ELF1: variants seen among roughly 807,000 people sequenced by gnomAD.
The protein encoded by ELF1 is E74 like ETS transcription factor 1.
A neutral mutation model predicts 59.9 loss-of-function variants in ELF1; 24 were observed. The observed-to-expected ratio is 0.40, with a 90% CI of 0.29 to 0.56. ELF1 has a LOEUF of 0.56. Ranked by LOEUF, ELF1 falls within the 20% of genes least tolerant of loss-of-function variation. The pLI, the probability that ELF1 is intolerant of heterozygous loss-of-function variation, is 0.44. For missense variants in ELF1, 627 were observed against 742.2 expected (o/e 0.84, Z 1.80); for synonymous variants, 248 against 266.2 (o/e 0.93, Z 0.67).
chr13:40,967,226 A>G (rs1872230841), intron 2 of ELF1, among the ~76,000 whole-genome samples: 1 of 152,192 alleles, frequency 6.6e-6, no homozygotes, highest in Non-Finnish European at 1.5e-5. Flanking sequence ...ACTCTATTAC[A>G]ACACGATCTG....
chr13:41,002,808 C>T (rs1874539279), intron 1 of ELF1, among the ~76,000 whole-genome samples: 1 of 151,996 alleles, frequency 6.6e-6, no homozygotes, highest in Non-Finnish European at 1.5e-5. Flanking sequence ...AATATGTATG[C>T]TATAGCAGAA....
intron 2 of ELF1, among the ~76,000 whole-genome samples, chr13:40,974,420 A>T (rs1272281360): frequency 6.6e-6 from 1 of 152,192 alleles, no homozygotes; most frequent in Non-Finnish European, 1.5e-5. Context: ...TCCTAGCTTT[A>T]TCACTTAGTA....
intron 1 of ELF1, among the ~76,000 whole-genome samples, chr13:40,994,828 G>A (rs1874049410): frequency 6.6e-6 from 1 of 152,112 alleles, no homozygotes; most frequent in Non-Finnish European, 1.5e-5. Context: ...TCATTTCTGT[G>A]ACCCTTTATT....
intron 4 of ELF1, 90 bp from the exon 5 acceptor site, chr13:40,950,063 G>T: frequency 1.8e-6 from 2 of 1,137,678 alleles, no homozygotes; most frequent in South Asian, 1.8e-5. Flanking sequence ...ATTATGACTA[G>T]AAGATTAAAG....
chr13:41,007,326 TAAG>T (rs1368386198), intron 1 of ELF1, among the ~76,000 whole-genome samples: 1 of 152,130 alleles, frequency 6.6e-6, no homozygotes, highest in African/African-American at 2.4e-5. Context: ...CTCTTTCAAT[TAAG>T]AAGAACACAA....
intron 1 of ELF1, among the ~76,000 whole-genome samples, chr13:40,987,984 A>G (rs1391083395): frequency 6.6e-6 from 1 of 152,264 alleles, no homozygotes; most frequent in East Asian, 1.9e-4. Context: ...GTGAGAGAAA[A>G]GAAGTGAAGT....
At position 40,958,916 on chromosome 13, in the gene ELF1, T is replaced by C. The variant is rs7799; in HGVS notation, c.173A>G (p.Asn58Ser). 0.65 allele frequency: 1,040,573 copies of C among 1,613,070 alleles called. 348,751 individuals are homozygous for C. Among genetic ancestry groups the C allele is most frequent in the Non-Finnish European group, 0.69 (811,993 of 1,179,644 alleles). The change falls in exon 3 of 9, where the codon AAT (asparagine) becomes AGT (serine). Residue 58 changes from asparagine to serine, a missense_variant. Around this residue, in one of 3 missense-constraint regions of ELF1, gnomAD observed 232 missense variants for 269.2 expected, o/e 0.86. Coordinates refer to ENST00000239882, the MANE Select transcript of ELF1 (RefSeq NM_172373.4). ...CAGTGAACTCTCAGTAATCATGTCA[T>C]TGGGCTCTTCCACACAGGCTAGACC... is the stretch of plus-strand genomic sequence containing the variant. ...YAGLACVEEP[N>S]DMITESSLDV... is the part of the protein sequence containing the mutation.
rs920552554 is a variant in ELF1 at position 40,932,539 on chromosome 13, G to A, written c.*886C>T. ...CAAAGCACAGTGGCCTAAAGAGTTA[G>A]TAAACAAATTATTTAGGAAGAATTT... On this transcript the variant is annotated 3_prime_UTR_variant, in exon 9 of 9. Coordinates refer to ENST00000239882, the MANE Select transcript of ELF1 (RefSeq NM_172373.4). 6.6e-6 allele frequency: 1 copy of A among 152,108 alleles called. No homozygotes were observed. Among genetic ancestry groups the A allele is most frequent in the Non-Finnish European group, 1.5e-5 (1 of 68,028 alleles). 9.4% of individuals were successfully genotyped at this position (152,108 alleles called of 1,614,324 possible).
At position 40,948,227 on chromosome 13, in the gene ELF1, C is replaced by T. The variant is rs139846459; in HGVS notation, c.529+1579G>A. Among the ~76,000 whole-genome samples the T allele has an allele frequency of 5.7e-3, 870 of 152,342 alleles. 7 individuals carry two copies. Among genetic ancestry groups the T allele is most frequent in the South Asian group, 0.014 (69 of 4,832 alleles). ...AACATGTGATCCAGCCATTCCACTACTAAGTATTTACCCAAAAGAAATTAA... is the reference window on the plus strand; with the variant it reads ...AACATGTGATCCAGCCATTCCACTATTAAGTATTTACCCAAAAGAAATTAA... On this transcript the variant is annotated intron_variant, in intron 5 of 8. Coordinates refer to ENST00000239882, the MANE Select transcript of ELF1 (RefSeq NM_172373.4).
At chr13:40,946,357 A>ACC (rs980178432) in intron 5 of ELF1, among the ~76,000 whole-genome samples, 3 of 152,226 alleles carry the variant, frequency 2.0e-5, no homozygotes, top group Non-Finnish European at 4.4e-5. Flanking sequence ...TATATTCATC[A>ACC]CCCCAAAAGT....
intron 5 of ELF1, among the ~76,000 whole-genome samples, chr13:40,948,784 T>C (rs903324940): frequency 8.5e-5 from 13 of 152,264 alleles, no homozygotes; most frequent in South Asian, 4.1e-4. Flanking sequence ...TTCCAACCCA[T>C]TGTATTTTTC....
chr13:41,007,723 A>G (rs575554619), intron 1 of ELF1, among the ~76,000 whole-genome samples: 10 of 152,214 alleles, frequency 6.6e-5, no homozygotes, highest in Non-Finnish European at 1.3e-4. Context: ...TATTTCTTCC[A>G]TATAACATTT....
At chr13:40,955,323 T>G (rs1323540102) in intron 3 of ELF1, among the ~76,000 whole-genome samples, 3 of 124,202 alleles carry the variant, frequency 2.4e-5, no homozygotes, top group South Asian at 2.6e-4. Context: ...GGAAGGGAGG[T>G]GGGGGGGTTA....
intron 6 of ELF1, 65 bp downstream of exon 6, chr13:40,943,777 A>G: frequency 4.4e-6 from 6 of 1,369,674 alleles, no homozygotes; most frequent in Middle Eastern, 2.1e-4. Flanking sequence ...GTTTCTAGTT[A>G]TAATAGGTAG....
chr13:41,048,564 C>G (rs1363389121), intron 1 of ELF1, among the ~76,000 whole-genome samples: 1 of 151,998 alleles, frequency 6.6e-6, no homozygotes, highest in Non-Finnish European at 1.5e-5. Flanking sequence ...TATGGGCACA[C>G]CACCAAGCCC....
At chr13:41,024,652 C>T (rs1774147759) in intron 1 of ELF1, among the ~76,000 whole-genome samples, 1 of 152,162 alleles carries the variant, frequency 6.6e-6, no homozygotes, top group African/African-American at 2.4e-5. Flanking sequence ...GCTTGGATTA[C>T]AGGCATGAAC....
rs371166882 is a variant in ELF1 at position 40,941,358 on chromosome 13, T to C, written c.819A>G (p.Gln273=). The change falls in exon 8 of 9, where the codon CAA becomes CAG. Residue 273 remains glutamine (Q), a synonymous_variant. Coordinates refer to ENST00000239882, the MANE Select transcript of ELF1 (RefSeq NM_172373.4). The stretch of plus-strand genomic sequence containing the variant: ...CTTCCACTTTTGCCAGAATACCCCT[T>C]TGGTAATAGTACCTATTCAAAGCAG... The part of the protein sequence containing the change: ...TMGRALRYYY[Q]RGILAKVEGQ... 4 of 1,600,590 alleles carry C rather than the reference T, an allele frequency of 2.5e-6. No individual in the cohort carries two copies. The African/African-American group carries it at 5.4e-5, about 22-fold the overall frequency.
At chr13:40,953,719 T>TC (rs1871013646) in intron 3 of ELF1, among the ~76,000 whole-genome samples, 1 of 152,168 alleles carries the variant, frequency 6.6e-6, no homozygotes, top group African/African-American at 2.4e-5. Flanking sequence ...ATCTCTTTCT[T>TC]CCCCTAGAGC....
Position 40,992,380 on chromosome 13 carries a change from G to C in ELF1, c.-228-10098C>G, listed in dbSNP as rs191934341. ...CAATAAGAGCTAGATCTTTAGAAAG[G>C]AAATGTATCCAAGCTTAGGATAGAA... On this transcript the variant is annotated intron_variant, in intron 1 of 8. Transcript: ENST00000239882. 8.4e-4 allele frequency among the ~76,000 whole-genome samples: 128 copies of C among 152,294 alleles called. 2 individuals are homozygous for C. In the South Asian group the frequency reaches 9.7e-3, roughly 12 times the overall value.
Sources: gnomAD v4.1 joint callset for allele counts (sites outside exome capture counted in the v4.1 genomes callset) on GRCh38, gnomAD v4.1.1 for gene constraint, gnomAD v4.1.1 regional missense constraint, MANE v1.5 for transcripts, NCBI Gene and HGNC (gene_info 2026-07-23, HGNC 2026-07-21) for gene names.